TTPAL: variants seen among roughly 807,000 people sequenced by gnomAD.
TTPAL encodes the protein alpha tocopherol transfer protein like, also known as alpha-tocopherol transfer protein-like.
TTPAL carries 21 observed loss-of-function variants against 28.7 expected under a neutral mutation model. The ratio of observed to expected loss-of-function variants is 0.73; its 90% confidence interval spans 0.52 to 1.06. The LOEUF is 1.06. Ranked by LOEUF, TTPAL falls within the 50% of genes least tolerant of loss-of-function variation. The pLI is 0.00. For synonymous variants in TTPAL, 169 were observed against 171.9 expected (o/e 0.98, Z 0.13); for missense variants, 345 against 425.5 (o/e 0.81, Z 1.67).
chr20:44,483,538 A>G (rs67581837), intron 2 of TTPAL, among the ~76,000 whole-genome samples: 17,107 of 152,122 alleles, frequency 0.11, 1,186 homozygotes, highest in African/African-American at 0.2. Context: ...CTCACCTCTG[A>G]AGTCAGGAGT....
At chr20:44,487,217 G>C (rs961778386) in intron 4 of TTPAL, among the ~76,000 whole-genome samples, 1 of 151,812 alleles carries the variant, frequency 6.6e-6, no homozygotes, top group Non-Finnish European at 1.5e-5. Flanking sequence ...GGGAGGCGGA[G>C]GTTGCAGTGA....
rs1211202057 is a variant in TTPAL, at chr20:44,494,359, G to A, written c.*4818G>A. ...CTGACCAAGAGCCTCTGATGGAGTG[G>A]GAGGTGAGCTAATTCTCTGACCAGC... On this transcript the variant is annotated 3_prime_UTR_variant, in exon 5 of 5. Transcript: ENST00000262605. The A allele has an allele frequency of 6.5e-6, 1 of 152,742 alleles. No homozygotes were observed. The highest frequency in any genetic ancestry group is 1.5e-5 in the Non-Finnish European group (1 of 68,034). The allele number at this position is 152,742 out of a possible 1,614,324, so 9.5% of individuals were successfully genotyped here.
Position 44,480,242 on chromosome 20 carries a change from G to A in TTPAL, c.243G>A (p.Leu81=). The A allele has an allele frequency of 2.5e-6, 4 of 1,614,174 alleles. No homozygotes were observed. The highest frequency in any genetic ancestry group is 3.4e-6 in the Non-Finnish European group (4 of 1,180,016). ...NLSTSLDDAF[L]LRFLRARKFD... ...GCACATCCCTCGACGATGCCTTCCT[G>A]CTGCGCTTCCTCCGAGCCCGCAAGT... is the stretch of plus-strand genomic sequence containing the variant. The change falls in exon 2 of 5, where the codon CTG becomes CTA. Residue 81 remains leucine, a synonymous_variant. Coordinates refer to ENST00000262605, the MANE Select transcript of TTPAL (RefSeq NM_001039199.3). This position sits in a 1 kb window ranked among gnomAD's most constrained non-coding sequence, Gnocchi z 4.1.
At position 44,489,613 on chromosome 20, in the gene TTPAL, G is replaced by C; in HGVS notation, c.*72G>C. 2 of 1,472,074 alleles carry C rather than the reference G, an allele frequency of 1.4e-6. No homozygotes were observed. The highest frequency in any genetic ancestry group is 2.7e-5 in the South Asian group (2 of 74,666). 91.2% of individuals were successfully genotyped at this position (1,472,074 alleles called of 1,614,324 possible). A position where few individuals can be genotyped will look rare whatever the true frequency, so the allele number is the denominator to read the frequency against. The stretch of plus-strand genomic sequence containing the variant: ...TGGAGAGGCACAAGGAGAATTTAAG[G>C]GTCCATGGATTCAGTCTTGCTCCTT... On this transcript the variant is annotated 3_prime_UTR_variant, in exon 5 of 5. Transcript: ENST00000262605.
At chr20:44,485,352 C>T (rs1389310096) in intron 3 of TTPAL, among the ~76,000 whole-genome samples, 1 of 152,170 alleles carries the variant, frequency 6.6e-6, no homozygotes, top group Non-Finnish European at 1.5e-5. Flanking sequence ...AGGGCCTATT[C>T]AGTCCCTCAG....
chr20:44,476,118 G>A (rs1239379195), intron 1 of TTPAL, 127 bp downstream of exon 1: 1 of 152,308 alleles, frequency 6.6e-6, no homozygotes, highest in Non-Finnish European at 1.5e-5. Context: ...CCTGGGGAGG[G>A]GGTGACAGCC....
chr20:44,483,008 C>A (rs1003458087), intron 2 of TTPAL, among the ~76,000 whole-genome samples: 11 of 152,066 alleles, frequency 7.2e-5, no homozygotes, highest in Non-Finnish European at 1.2e-4. Flanking sequence ...CAGGTGTGCA[C>A]CACCATGCCC....
intron 2 of TTPAL, among the ~76,000 whole-genome samples, chr20:44,482,671 T>C (rs1043864139): frequency 7.2e-5 from 11 of 151,982 alleles, no homozygotes; most frequent in Non-Finnish European, 1.5e-4. Flanking sequence ...TAGATTTTGC[T>C]GGGATTTTCT....
chr20:44,487,016 C>T (rs1392148185), intron 4 of TTPAL, among the ~76,000 whole-genome samples: 4 of 151,922 alleles, frequency 2.6e-5, no homozygotes, highest in Non-Finnish European at 5.9e-5. Flanking sequence ...CACAGTGGCT[C>T]ACGCCTGTAA....
In TTPAL at chr20:44,484,401, A is replaced by G. The variant is rs1232024212; in HGVS notation, c.510A>G (p.Glu170=). Residue 170 remains glutamate, a synonymous_variant, in exon 3 of 5, where the codon GAA becomes GAG. Transcript: ENST00000262605. The part of the protein sequence containing the change: ...ENIRAIYLTL[E]KLIQSEETQV... Reference sequence around the variant, plus strand: ...TCCGAGCCATATACTTGACCTTAGAAAAACTCATTCAGTCTGAAGAAACCC... The same window carrying G: ...TCCGAGCCATATACTTGACCTTAGAGAAACTCATTCAGTCTGAAGAAACCC... 1 of 1,606,620 alleles carries G rather than the reference A, an allele frequency of 6.2e-7. No individual in the cohort carries two copies. The highest frequency in any genetic ancestry group is 8.5e-7 in the Non-Finnish European group (1 of 1,173,776).
intron 4 of TTPAL, among the ~76,000 whole-genome samples, chr20:44,487,850 C>G (rs2064166452): frequency 6.6e-6 from 1 of 152,212 alleles, no homozygotes; most frequent in Non-Finnish European, 1.5e-5. Context: ...CTCACTGCAA[C>G]CCCTACCTCC....
intron 4 of TTPAL, 65 bp from the exon 5 acceptor site, chr20:44,489,198 G>A: frequency 1.3e-6 from 2 of 1,522,414 alleles, no homozygotes; most frequent in Non-Finnish European, 1.8e-6. Flanking sequence ...CACCTACCAT[G>A]GAGGAGATTT....
chr20:44,489,401 T>C lies in TTPAL; in HGVS notation c.889T>C (p.Phe297Leu), dbSNP rs1301331531. Residue 297 changes from phenylalanine to leucine, a missense_variant, in exon 5 of 5, where the codon TTT becomes CTT. Physicochemically the swap from Phe to Leu is conservative, Grantham distance 22. Coordinates refer to ENST00000262605, the MANE Select transcript of TTPAL (RefSeq NM_001039199.3). ...NAVLLASEDD[F>L]VKEFCQPVPA... ...GGTACTGCTGGCTTCAGAAGACGAT[T>C]TTGTGAAAGAGTTCTGCCAACCTGT... 1 of 1,614,066 alleles carries C rather than the reference T, an allele frequency of 6.2e-7. No individual in the cohort carries two copies. Among genetic ancestry groups the C allele is most frequent in the Non-Finnish European group, 8.5e-7 (1 of 1,180,004 alleles).
rs560625762 is a variant in TTPAL, at chr20:44,489,783, A to T, written c.*242A>T. The T allele has an allele frequency of 1.9e-4, 99 of 509,334 alleles. 1 individual carries two copies. In the South Asian group the frequency reaches 2.7e-3, roughly 14 times the overall value. The allele number at this position is 509,334 out of a possible 1,614,324, so 31.6% of individuals were successfully genotyped here. A position where few individuals can be genotyped will look rare whatever the true frequency, so the allele number is the denominator to read the frequency against. On this transcript the variant is annotated 3_prime_UTR_variant, in exon 5 of 5. Coordinates refer to ENST00000262605, the MANE Select transcript of TTPAL (RefSeq NM_001039199.3). Reference sequence around the variant, plus strand: ...TAAACATTTGGAATCCCAGTCTGCAACTATTAATCTGGAGGCTATATCTAT... The same window carrying T: ...TAAACATTTGGAATCCCAGTCTGCATCTATTAATCTGGAGGCTATATCTAT...
At chr20:44,482,080 G>A (rs912993723) in intron 2 of TTPAL, among the ~76,000 whole-genome samples, 3 of 152,182 alleles carry the variant, frequency 2.0e-5, no homozygotes, top group African/African-American at 7.2e-5. Flanking sequence ...TTAGGAAGAG[G>A]CATACACAGA....
chr20:44,476,652 GCGCTCT>G (rs2122733753), intron 1 of TTPAL, among the ~76,000 whole-genome samples: 1 of 152,352 alleles, frequency 6.6e-6, no homozygotes, highest in Admixed American at 6.5e-5. Flanking sequence ...AACAGTAATA[GCGCTCT>G]CACCAAATAA....
At chr20:44,488,038 G>C (rs764926233) in intron 4 of TTPAL, among the ~76,000 whole-genome samples, 1 of 152,204 alleles carries the variant, frequency 6.6e-6, no homozygotes, top group African/African-American at 2.4e-5. Flanking sequence ...GAAAGTGCTG[G>C]GATTACAGGC....
At position 44,489,801 on chromosome 20, in the gene TTPAL, A is replaced by G. The variant is rs565355197; in HGVS notation, c.*260A>G. ...GTCTGCAACTATTAATCTGGAGGCT[A>G]TATCTATTTTGTTTTGCTTTTTGGT... On this transcript the variant is annotated 3_prime_UTR_variant, in exon 5 of 5. Transcript: ENST00000262605. 9.3e-5 allele frequency: 42 copies of G among 451,832 alleles called. No individual in the cohort carries two copies. Among genetic ancestry groups the G allele is most frequent in the African/African-American group, 6.2e-4 (32 of 51,212 alleles). 28.0% of individuals were successfully genotyped at this position (451,832 alleles called of 1,614,324 possible). A position where few individuals can be genotyped will look rare whatever the true frequency, so the allele number is the denominator to read the frequency against.
At chr20:44,479,537 T>G (rs2064082126) in intron 1 of TTPAL, among the ~76,000 whole-genome samples, 1 of 151,618 alleles carries the variant, frequency 6.6e-6, no homozygotes, top group Non-Finnish European at 1.5e-5. Flanking sequence ...TAGCTGAGAT[T>G]ACAGGCACTC....
Sources: gnomAD v4.1 joint callset for allele counts (sites outside exome capture counted in the v4.1 genomes callset) on GRCh38, gnomAD v4.1.1 for gene constraint, Gnocchi (gnomAD v3.1) non-coding constraint, MANE v1.5 for transcripts, NCBI Gene and HGNC (gene_info 2026-07-23, HGNC 2026-07-21) for gene names.